Variants in EYA2 observed in about 807,000 individuals in gnomAD.
The protein encoded by EYA2 is EYA transcriptional coactivator and phosphatase 2.
A neutral mutation model predicts 69.2 loss-of-function variants in EYA2; 31 were observed. The ratio of observed to expected loss-of-function variants is 0.45; its 90% CI spans 0.34 to 0.60. The LOEUF (loss-of-function observed/expected upper bound fraction) is 0.60, where lower values mean the gene tolerates loss of function less well. Ranked by LOEUF, EYA2 falls within the 20% of genes least tolerant of loss-of-function variation. The probability of loss-of-function intolerance (pLI) is 0.02; values close to 1 mark genes in which losing one functional copy is unlikely to be tolerated. For synonymous variants in EYA2, 257 were observed against 279.4 expected, an observed-to-expected ratio of 0.92 and a Z score of 0.80; for missense variants, 622 against 701.2, an observed-to-expected ratio of 0.89 and a Z score of 1.28.
At chr20:47,140,851 G>A (rs550408975) in intron 9 of EYA2, among the ~76,000 whole-genome samples, 10 of 152,272 alleles carry the variant, frequency 6.6e-5, no homozygotes, top group African/African-American at 1.9e-4. Context: ...TACCTGGTGA[G>A]GGCCTCAAGC....
intron 9 of EYA2, among the ~76,000 whole-genome samples, chr20:47,127,364 A>G (rs536164502): frequency 1.3e-5 from 2 of 152,184 alleles, no homozygotes; most frequent in East Asian, 3.9e-4. Flanking sequence ...AGCACTTTGG[A>G]AGGCCGAGGC....
chr20:46,989,327 G>A (rs565194952), intron 1 of EYA2, among the ~76,000 whole-genome samples: 11 of 152,128 alleles, frequency 7.2e-5, no homozygotes, highest in Non-Finnish European at 1.2e-4. Flanking sequence ...GTGCAGTGGC[G>A]CAGTCTCGAC....
chr20:47,081,652 G>A (rs56057006), intron 7 of EYA2, among the ~76,000 whole-genome samples: 35,009 of 150,924 alleles, frequency 0.23, 4,272 homozygotes, highest in Middle Eastern at 0.31. Flanking sequence ...GGTGCCACAC[G>A]CCTGTGATCC....
chr20:47,130,121 A>G (rs2033301022), intron 9 of EYA2, among the ~76,000 whole-genome samples: 1 of 152,124 alleles, frequency 6.6e-6, no homozygotes, highest in African/African-American at 2.4e-5. Flanking sequence ...CAACCTTGAA[A>G]TAAATCTCTT....
At chr20:47,105,916 G>A (rs1200945540) in intron 9 of EYA2, among the ~76,000 whole-genome samples, 2 of 152,246 alleles carry the variant, frequency 1.3e-5, no homozygotes, top group East Asian at 3.9e-4. Context: ...AAGACAGATG[G>A]TTGTGTGTGT....
intron 9 of EYA2, among the ~76,000 whole-genome samples, chr20:47,102,942 C>A (rs2032465849): frequency 6.6e-6 from 1 of 152,158 alleles, no homozygotes; most frequent in South Asian, 2.1e-4. Context: ...TTGCCTGTGG[C>A]CAGGAAGGGA....
At chr20:46,984,248 A>C (rs1167143465) in intron 1 of EYA2, among the ~76,000 whole-genome samples, 2 of 152,222 alleles carry the variant, frequency 1.3e-5, no homozygotes, top group Non-Finnish European at 2.9e-5. Flanking sequence ...TAAATATGTA[A>C]GGATTTTTTG....
chr20:47,032,923 G>C (rs560636499), intron 5 of EYA2, among the ~76,000 whole-genome samples: 1 of 152,286 alleles, frequency 6.6e-6, no homozygotes, highest in Admixed American at 6.5e-5. Flanking sequence ...AATTTTGGTT[G>C]CTGCAGCCAT....
At chr20:47,015,649 G>A (rs1228245212) in intron 4 of EYA2, among the ~76,000 whole-genome samples, 1 of 152,136 alleles carries the variant, frequency 6.6e-6, no homozygotes, top group African/African-American at 2.4e-5. Flanking sequence ...TACCTACCAA[G>A]CTGGCAGGTA....
chr20:46,992,012 C>T (rs865950574), intron 2 of EYA2, among the ~76,000 whole-genome samples: 2 of 42,726 alleles, frequency 4.7e-5, no homozygotes, highest in Admixed American at 1.7e-4. Flanking sequence ...CAACCCTGGG[C>T]CCCCACATTC....
chr20:47,093,648 C>T (rs940652893), intron 8 of EYA2, among the ~76,000 whole-genome samples: 4 of 152,192 alleles, frequency 2.6e-5, no homozygotes, highest in African/African-American at 7.2e-5. Flanking sequence ...GGGCCTGTAG[C>T]TTCATTCCCT....
In EYA2 at chr20:47,180,939, A is replaced by G. The variant is rs768049614; in HGVS notation, c.1435+3A>G. On this transcript the variant is annotated splice_donor_region_variant and intron_variant, in intron 14 of 15. Transcript: ENST00000327619. ...CATCTACAGTGCAACCAAGACAGGT[A>G]GGGAGAAGCCACACCTCGGCGGGGA... 6.2e-7 allele frequency: 1 copy of G among 1,613,616 alleles called. No individual in the cohort carries two copies. The highest frequency in any genetic ancestry group is 8.5e-7 in the Non-Finnish European group (1 of 1,179,824).
At position 47,024,660 on chromosome 20, in the gene EYA2, G is replaced by C. The variant is rs113089501; in HGVS notation, c.415+8363G>C. 9.2e-3 allele frequency among the ~76,000 whole-genome samples: 1,402 copies of C among 152,300 alleles called. 9 individuals are homozygous for C. The highest frequency in any genetic ancestry group is 0.026 in the South Asian group (125 of 4,826). ...TGCAGCTCCATCTCCCCAGCTCAGA[G>C]AGACCACGGGCCTCCACCTGGGTTT... On this transcript the variant is annotated intron_variant, in intron 5 of 15. Transcript: ENST00000327619.
chr20:46,896,456 T>C (rs1424607800), intron 1 of EYA2, among the ~76,000 whole-genome samples: 1 of 152,140 alleles, frequency 6.6e-6, no homozygotes, highest in African/African-American at 2.4e-5. Flanking sequence ...AACCTCTTTT[T>C]CAAAATAATC....
intron 7 of EYA2, among the ~76,000 whole-genome samples, chr20:47,085,292 A>G (rs7263655): frequency 0.23 from 34,609 of 152,104 alleles, 4,369 homozygotes; most frequent in Middle Eastern, 0.33. Flanking sequence ...ACGTCTACCT[A>G]CAGGCGAATG....
At chr20:47,023,632 GTTTTTTTTTTT>G (rs60939329) in intron 5 of EYA2, among the ~76,000 whole-genome samples, 1 of 90,116 alleles carries the variant, frequency 1.1e-5, no homozygotes, top group Non-Finnish European at 2.2e-5. Context: ...GATTTTGGGT[GTTTTTTTTTTT>G]TTTTTTTTTT....
At chr20:47,008,651 C>T (rs1001537347) in intron 4 of EYA2, among the ~76,000 whole-genome samples, 2 of 152,196 alleles carry the variant, frequency 1.3e-5, no homozygotes, top group African/African-American at 4.8e-5. Context: ...TTTACTGTCT[C>T]AGTTACTTTT....
At chr20:47,005,229 T>C (rs939761380) in intron 4 of EYA2, 145 bp downstream of exon 4, 12 of 930,876 alleles carry the variant, frequency 1.3e-5, no homozygotes, top group Non-Finnish European at 1.7e-5. Flanking sequence ...AGTAACACTT[T>C]AAATATGGTT....
chr20:47,063,510 T>A (rs1018119363), intron 5 of EYA2, among the ~76,000 whole-genome samples: 1 of 151,284 alleles, frequency 6.6e-6, no homozygotes, highest in Admixed American at 6.6e-5. Context: ...TAGAACTGAA[T>A]CAAAAGGAAA....
Sources: allele counts gnomAD v4.1 joint callset (sites outside exome capture counted in the v4.1 genomes callset), GRCh38; gene constraint gnomAD v4.1.1; transcripts MANE v1.5; gene names NCBI Gene and HGNC (gene_info 2026-07-23, HGNC 2026-07-21).